The following RPGRIP1 variants were observed in gnomAD, a reference collection of about 807,000 sequenced individuals.
The protein encoded by RPGRIP1 is RPGR interacting protein 1.
In RPGRIP1, 128 loss-of-function variants were observed where a neutral mutation model predicts 157.9. The ratio of observed to expected loss-of-function variants is 0.81; its 90% CI spans 0.70 to 0.94. The LOEUF (loss-of-function observed/expected upper bound fraction) is 0.94. Among genes scored for constraint, RPGRIP1 ranks in the 40% least tolerant of loss-of-function variants. RPGRIP1 has a pLI of 0.00. For missense variants in RPGRIP1, 1,486 were observed against 1,545.8 expected (o/e 0.96, Z 0.65); for synonymous variants, 554 against 571.6 (o/e 0.97, Z 0.44).
At chr14:21,336,808 G>T (rs1884412917) in intron 21 of RPGRIP1, among the ~76,000 whole-genome samples, 2 of 152,136 alleles carry the variant, frequency 1.3e-5, no homozygotes, top group Admixed American at 1.3e-4. Context: ...GCAGCCAGCT[G>T]ATCAGCAAAC....
chr14:21,329,079 G>A (rs1883429578), intron 19 of RPGRIP1, among the ~76,000 whole-genome samples: 1 of 150,996 alleles, frequency 6.6e-6, no homozygotes, highest in South Asian at 2.1e-4. Flanking sequence ...GGGAGGTGGA[G>A]GTTGTGGTGA....
At position 21,303,471 on chromosome 14, in the gene RPGRIP1, A is replaced by C. The variant is rs766603726; in HGVS notation, c.728A>C (p.Lys243Thr). ...GAAGAGCCACCCAAGTCTCCTGAGAAAATGTGGCCTAAAGATGAAAATTTT... is the reference window on the plus strand; with the variant it reads ...GAAGAGCCACCCAAGTCTCCTGAGACAATGTGGCCTAAAGATGAAAATTTT... ...QVEEPPKSPE[K>T]MWPKDENFEQ... The change falls in exon 6 of 25, where the codon AAA (lysine) becomes ACA (threonine). Residue 243 changes from lysine (K) to threonine (T), a missense_variant. Lys to Thr is a moderately conservative substitution (Grantham distance 78, BLOSUM62 -1). Coordinates refer to ENST00000400017, the MANE Select transcript of RPGRIP1 (RefSeq NM_020366.4). 3.1e-6 allele frequency: 5 copies of C among 1,613,988 alleles called. No homozygotes were observed. Among genetic ancestry groups the C allele is most frequent in the Admixed American group, 3.3e-5 (2 of 60,000 alleles).
At chr14:21,289,524 C>A (rs1316991331) in intron 2 of RPGRIP1, among the ~76,000 whole-genome samples, 2 of 152,152 alleles carry the variant, frequency 1.3e-5, no homozygotes, top group African/African-American at 4.8e-5. Context: ...ACTTTCCCAT[C>A]CCTCAATCCC....
chr14:21,337,645 T>G lies in RPGRIP1; in HGVS notation c.3339+2940T>G, dbSNP rs556547082. 1.7e-3 allele frequency among the ~76,000 whole-genome samples: 261 copies of G among 151,952 alleles called. 1 individual carries two copies. Among genetic ancestry groups the G allele is most frequent in the African/African-American group, 5.3e-3 (218 of 41,442 alleles). ...TTAGTAGAGACGGAGTTTCACTATG[T>G]TGGCCAGGCTGGTCTCAAACTCCTG... is the stretch of plus-strand genomic sequence containing the variant. On this transcript the variant is annotated intron_variant, in intron 21 of 24. Coordinates refer to ENST00000400017, the MANE Select transcript of RPGRIP1 (RefSeq NM_020366.4).
intron 12 of RPGRIP1, among the ~76,000 whole-genome samples, chr14:21,320,417 A>T (rs1344518559): frequency 6.7e-5 from 10 of 149,888 alleles, no homozygotes; most frequent in African/African-American, 2.5e-4. Context: ...CAGCCTTCCG[A>T]GTAGCTGGGA....
intron 21 of RPGRIP1, among the ~76,000 whole-genome samples, chr14:21,341,772 C>T (rs1885021064): frequency 6.6e-6 from 1 of 151,966 alleles, no homozygotes; most frequent in Non-Finnish European, 1.5e-5. Flanking sequence ...ATTGGAGTTC[C>T]TGGCCAGGCG....
At position 21,303,578 on chromosome 14, in the gene RPGRIP1, C is replaced by T. The variant is rs201993777; in HGVS notation, c.800+35C>T. 8.3e-5 allele frequency: 124 copies of T among 1,487,624 alleles called. No individual in the cohort carries two copies. The Middle Eastern group carries it at 1.9e-3, about 23-fold the overall frequency. 92.2% of individuals were successfully genotyped at this position (1,487,624 alleles called of 1,614,324 possible). A position where few individuals can be genotyped will look rare whatever the true frequency, so the allele number is the denominator to read the frequency against. On this transcript the variant is annotated intron_variant, in intron 6 of 24. Transcript: ENST00000400017. ...TGGCACTCCATGCCTCAAACCAAAA[C>T]GAACTGAAAAAGCTAAGAGATTCTT...
Position 21,325,966 on chromosome 14 carries a change from G to A in RPGRIP1, c.2503G>A (p.Asp835Asn). The change falls in exon 17 of 25, where the codon GAC becomes AAC. Residue 835 changes from aspartate (D) to asparagine (N), a missense_variant. Coordinates refer to ENST00000400017, the MANE Select transcript of RPGRIP1 (RefSeq NM_020366.4). The stretch of plus-strand genomic sequence containing the variant: ...CCGCTTCTTCACCTTTTCTGACCAT[G>A]ACACTGCCATCATTCCAGCCAGTAA... ...VYRFFTFSDHDTAIIPASNNP... is the reference protein window; with the variant it reads ...VYRFFTFSDHNTAIIPASNNP... 2.5e-6 allele frequency: 4 copies of A among 1,613,960 alleles called. No individual in the cohort carries two copies. The highest frequency in any genetic ancestry group is 3.4e-6 in the Non-Finnish European group (4 of 1,179,888).
intron 21 of RPGRIP1, among the ~76,000 whole-genome samples, chr14:21,337,254 G>T (rs373245582): frequency 6.6e-6 from 1 of 152,004 alleles, no homozygotes; most frequent in African/African-American, 2.4e-5. Context: ...ACCTCTATTA[G>T]GCCTTGTCTC....
chr14:21,315,145 G>A (rs938344281), intron 10 of RPGRIP1, among the ~76,000 whole-genome samples: 7 of 151,964 alleles, frequency 4.6e-5, no homozygotes, highest in Non-Finnish European at 8.8e-5. Flanking sequence ...GTGCAGTGCA[G>A]TGCAGTGAGA....
At chr14:21,287,564 G>C (rs1245064885) in intron 1 of RPGRIP1, among the ~76,000 whole-genome samples, 1 of 152,150 alleles carries the variant, frequency 6.6e-6, no homozygotes, top group African/African-American at 2.4e-5. Flanking sequence ...TCGGGGACTG[G>C]ATTGTAGGCT....
intron 4 of RPGRIP1, 138 bp downstream of exon 4, chr14:21,301,375 C>T: frequency 3.2e-6 from 3 of 945,708 alleles, no homozygotes; most frequent in Non-Finnish European, 4.7e-6. Context: ...TTCTGCCTCC[C>T]TAAAATCTTT....
intron 11 of RPGRIP1, chr14:21,318,255 C>T: frequency 2.7e-6 from 1 of 371,310 alleles, no homozygotes; most frequent in Non-Finnish European, 5.2e-6. Context: ...TACAAGCATG[C>T]ACTACCACGC....
chr14:21,345,387 G>GTTATTTATTTATTTAT lies in RPGRIP1; in HGVS notation c.3617+205_3617+220dup, dbSNP rs139819474. Among the ~76,000 whole-genome samples, 188 of 150,856 alleles carry GTTATTTATTTATTTAT rather than the reference G, an allele frequency of 1.2e-3. 1 individual carries two copies. Among genetic ancestry groups the GTTATTTATTTATTTAT allele is most frequent in the East Asian group, 5.3e-3 (27 of 5,130 alleles). On this transcript the variant is annotated intron_variant, in intron 23 of 24. Coordinates refer to ENST00000400017, the MANE Select transcript of RPGRIP1 (RefSeq NM_020366.4). ...CCTAATCCATTACCTAATCTTATAG[G>GTTATTTATTTATTTAT]TTATTTATTTATTTATTTATTTATT... is the stretch of plus-strand genomic sequence containing the variant.
In RPGRIP1 at chr14:21,334,637, A is replaced by G. The variant is rs749295693; in HGVS notation, c.3271A>G (p.Ser1091Gly). ...KESSEQGSEV[S>G]EAQTTDSDDV... is the part of the protein sequence containing the mutation. ...ATCCTCTGAACAAGGTTCTGAAGTCAGTGAAGCACAAACTACCGACAGTGA... is the reference window on the plus strand; with the variant it reads ...ATCCTCTGAACAAGGTTCTGAAGTCGGTGAAGCACAAACTACCGACAGTGA... The change falls in exon 21 of 25, where the codon AGT (serine) becomes GGT (glycine). Residue 1091 changes from serine (S) to glycine (G), a missense_variant. By Grantham distance (56) the Ser-to-Gly change is moderately conservative. Coordinates refer to ENST00000400017, the MANE Select transcript of RPGRIP1 (RefSeq NM_020366.4). 3 of 1,609,536 alleles carry G rather than the reference A, an allele frequency of 1.9e-6. No homozygotes were observed. The highest frequency in any genetic ancestry group is 1.7e-4 in the Middle Eastern group (1 of 6,060).
intron 1 of RPGRIP1, among the ~76,000 whole-genome samples, chr14:21,281,165 G>T (rs559131402): frequency 6.6e-6 from 1 of 151,610 alleles, no homozygotes; most frequent in Admixed American, 6.6e-5. Context: ...CTACAGGTGC[G>T]CACCACCATG....
intron 3 of RPGRIP1, among the ~76,000 whole-genome samples, chr14:21,295,822 G>A (rs990390809): frequency 6.6e-6 from 1 of 152,142 alleles, no homozygotes; most frequent in African/African-American, 2.4e-5. Context: ...TTGGGCTGGA[G>A]TGCAGTGGTG....
chr14:21,322,252 G>A (rs890840245), intron 14 of RPGRIP1, among the ~76,000 whole-genome samples: 2 of 152,068 alleles, frequency 1.3e-5, no homozygotes, highest in Non-Finnish European at 2.9e-5. Context: ...CTGCCTTCCA[G>A]GTTCAAGCGA....
chr14:21,295,444 CATTTATTT>C (rs149841857), intron 3 of RPGRIP1, among the ~76,000 whole-genome samples: 75,175 of 145,804 alleles, frequency 0.52, 19,662 homozygotes, highest in South Asian at 0.57. Flanking sequence ...GCTATCTATA[CATTTATTT>C]ATTTATTTAT....
Sources: allele counts gnomAD v4.1 joint callset (sites outside exome capture counted in the v4.1 genomes callset), GRCh38; gene constraint gnomAD v4.1.1; transcripts MANE v1.5; gene names NCBI Gene and HGNC (gene_info 2026-07-23, HGNC 2026-07-21).